Variants in SPON2 observed in about 807,000 individuals in gnomAD.
SPON2 encodes spondin 2.
SPON2 carries 32 observed loss-of-function variants against 29.9 expected under a neutral mutation model. The ratio of observed to expected loss-of-function variants is 1.07; its 90% CI spans 0.81 to 1.44. The LOEUF (loss-of-function observed/expected upper bound fraction) is 1.44. SPON2 is among the 40% of genes most tolerant of loss of function. The pLI is 0.00. For missense variants in SPON2, 541 were observed against 455.5 expected (o/e 1.19, Z -1.71); for synonymous variants, 248 against 209.1 (o/e 1.19, Z -1.61).
chr4:1,170,446 G>A lies in SPON2; in HGVS notation c.767C>T (p.Pro256Leu). The A allele has an allele frequency of 6.2e-7, 1 of 1,613,970 alleles. No homozygotes were observed. Among genetic ancestry groups the A allele is most frequent in the Non-Finnish European group, 8.5e-7 (1 of 1,179,952 alleles). ...CTCATTGTCCCTGCTGGGCAGGACT[G>A]GGGCGGGAGGGATGAAGGCCCTGGG... ...QSPRAFIPPAPVLPSRDNEIV... is the reference protein window; with the variant it reads ...QSPRAFIPPALVLPSRDNEIV... The change falls in exon 5 of 6, where the codon CCA (proline) becomes CTA (leucine). Residue 256 changes from proline to leucine, a missense_variant. Coordinates refer to ENST00000290902, the MANE Select transcript of SPON2 (RefSeq NM_012445.4).
At chr4:1,182,435 G>T (rs1394441036) in intron 1 of SPON2, among the ~76,000 whole-genome samples, 1 of 152,084 alleles carries the variant, frequency 6.6e-6, no homozygotes, top group African/African-American at 2.4e-5. Context: ...AAGGTGAAAA[G>T]TATAATCATG....
At chr4:1,189,361 G>A (rs1442796219) in intron 1 of SPON2, among the ~76,000 whole-genome samples, 6 of 152,016 alleles carry the variant, frequency 3.9e-5, no homozygotes, top group Non-Finnish European at 5.9e-5. Flanking sequence ...TAATTTAAAA[G>A]ATCAATTAAA....
chr4:1,205,904 G>T (rs1728328780), intron 1 of SPON2, among the ~76,000 whole-genome samples: 2 of 152,310 alleles, frequency 1.3e-5, no homozygotes. Context: ...CGGGCCTGGG[G>T]GTTGGGGCCG....
Position 1,167,612 on chromosome 4 carries a change from A to AT in SPON2, c.855_856insA (p.Trp286MetfsTer39). ...CCACAGTGGCCTCCGCACAGTCCCC[A>AT]GGACGACCACAGGGAGACCTCGCAG... is the stretch of plus-strand genomic sequence containing the variant. On this transcript the variant is annotated frameshift_variant, in exon 6 of 6. Coordinates refer to ENST00000290902, the MANE Select transcript of SPON2 (RefSeq NM_012445.4). LOFTEE classifies it high-confidence loss of function. 6.2e-7 allele frequency: 1 copy of AT among 1,613,220 alleles called. No individual in the cohort carries two copies. The highest frequency in any genetic ancestry group is 8.5e-7 in the Non-Finnish European group (1 of 1,179,810).
chr4:1,167,405 G>A lies in SPON2; in HGVS notation c.*67C>T. 9 of 1,490,822 alleles carry A rather than the reference G, an allele frequency of 6.0e-6. No homozygotes were observed. The highest frequency in any genetic ancestry group is 8.2e-6 in the Non-Finnish European group (9 of 1,101,398). 92.3% of individuals were successfully genotyped at this position (1,490,822 alleles called of 1,614,324 possible). A position where few individuals can be genotyped will look rare whatever the true frequency, so the allele number is the denominator to read the frequency against. On this transcript the variant is annotated 3_prime_UTR_variant, in exon 6 of 6. Transcript: ENST00000290902. Reference sequence around the variant, plus strand: ...CTGTGCCCTCGGCCGCCTGCAGCATGAGCCTGCACAGGAGCCCCCGACACC... The same window carrying A: ...CTGTGCCCTCGGCCGCCTGCAGCATAAGCCTGCACAGGAGCCCCCGACACC...
intron 2 of SPON2, among the ~76,000 whole-genome samples, chr4:1,178,989 G>A (rs770312883): frequency 6.6e-5 from 10 of 152,162 alleles, no homozygotes; most frequent in Non-Finnish European, 1.0e-4. Flanking sequence ...ACTTCCGATT[G>A]ATTGGCAGAG....
At chr4:1,199,079 G>T (rs186326076), upstream of SPON2, 7 of 152,258 alleles carry the variant, frequency 4.6e-5, no homozygotes, top group African/African-American at 1.7e-4. The surrounding 1 kb of genome is among the most constrained non-coding windows in gnomAD (Gnocchi z 4.5). Flanking sequence ...TGTAAACCTA[G>T]TTATGCCTCT....
rs1259087835 is a variant in SPON2, at chr4:1,170,513, G to A, written c.700C>T (p.Pro234Ser). The change falls in exon 5 of 6, where the codon CCT (proline) becomes TCT (serine). Residue 234 changes from proline to serine, a missense_variant. Pro to Ser is a moderately conservative substitution (Grantham distance 74). Transcript: ENST00000290902. ...ACCAGTGTCACCCTGGCGATGGGAG[G>A]CAGGGCCTTCAGCCGCGGGTAGTAG... ...SFYYPRLKAL[P>S]PIARVTLVRL... The A allele has an allele frequency of 1.2e-6, 2 of 1,613,914 alleles. No homozygotes were observed. The highest frequency in any genetic ancestry group is 1.7e-6 in the Non-Finnish European group (2 of 1,179,954).
chr4:1,186,060 C>T (rs13109140), intron 1 of SPON2, among the ~76,000 whole-genome samples: 26,199 of 146,242 alleles, frequency 0.18, 2,527 homozygotes, highest in East Asian at 0.24. Context: ...CTGGCTAACA[C>T]GGTGAAACCC....
Position 1,202,515 on chromosome 4 carries a change from C to G in SPON2, c.-234+5365G>C, listed in dbSNP as rs986025374. Among the ~76,000 whole-genome samples, 1 of 152,224 alleles carries G rather than the reference C, an allele frequency of 6.6e-6. No individual in the cohort carries two copies. The highest frequency in any genetic ancestry group is 1.5e-5 in the Non-Finnish European group (1 of 68,022). On this transcript the variant is annotated intron_variant, in intron 1 of 3. Transcript: ENST00000509233. The surrounding 1 kb of genome is among the most constrained non-coding windows in gnomAD (Gnocchi z 5.4). Reference sequence around the variant, plus strand: ...TACATGAACAGGGGATGATCTTGGACTCCCTGCCCACCTTCCAGACACATG... The same window carrying G: ...TACATGAACAGGGGATGATCTTGGAGTCCCTGCCCACCTTCCAGACACATG...
intron 1 of SPON2, among the ~76,000 whole-genome samples, chr4:1,190,571 C>T (rs188645090): frequency 8.5e-5 from 13 of 152,168 alleles, no homozygotes; most frequent in East Asian, 5.8e-4. Context: ...GCAACATTTT[C>T]GAAAAGATTA....
chr4:1,193,095 G>C (rs538617780), intron 1 of SPON2, among the ~76,000 whole-genome samples: 1 of 152,204 alleles, frequency 6.6e-6, no homozygotes, highest in African/African-American at 2.4e-5. Context: ...GCCCGACACA[G>C]CTGCACCATG....
chr4:1,178,206 G>A (rs1343988301), upstream of SPON2, among the ~76,000 whole-genome samples: 2 of 148,392 alleles, frequency 1.3e-5, no homozygotes, highest in Non-Finnish European at 3.0e-5. Flanking sequence ...CCTCCCTCCG[G>A]CCAGGCACCA....
chr4:1,194,920 G>GCTCCAACCTCGCAGCCGGCGA (rs1560210536), intron 1 of SPON2: 15 of 130,894 alleles, frequency 1.1e-4, no homozygotes, highest in Admixed American at 3.0e-4. Context: ...GCAGCCGGCG[G>GCTCCAACCTCGCAGCCGGCGA]CTCCAACCCC....
At chr4:1,181,313 C>T (rs994971650) in intron 1 of SPON2, among the ~76,000 whole-genome samples, 1 of 152,166 alleles carries the variant, frequency 6.6e-6, no homozygotes, top group Admixed American at 6.6e-5. Context: ...TTAAGACATT[C>T]TCAGGTAAAT....
At chr4:1,186,061 G>A (rs914110619) in intron 1 of SPON2, among the ~76,000 whole-genome samples, 144 of 146,958 alleles carry the variant, frequency 9.8e-4, no homozygotes, top group Middle Eastern at 3.4e-3. Context: ...TGGCTAACAC[G>A]GTGAAACCCC....
chr4:1,194,213 T>C (rs572471668), intron 1 of SPON2, among the ~76,000 whole-genome samples: 1 of 152,190 alleles, frequency 6.6e-6, no homozygotes, highest in Non-Finnish European at 1.5e-5. Context: ...GCAAATGGGC[T>C]CCTCCAAGGG....
intron 1 of SPON2, among the ~76,000 whole-genome samples, chr4:1,203,450 G>C (rs535423982): frequency 6.6e-6 from 1 of 152,228 alleles, no homozygotes; most frequent in East Asian, 1.9e-4. Flanking sequence ...TCCTTTTTAC[G>C]GGTGAAGAAT....
intron 1 of SPON2, among the ~76,000 whole-genome samples, chr4:1,186,050 C>T (rs1024128599): frequency 3.3e-5 from 5 of 149,362 alleles, no homozygotes; most frequent in African/African-American, 4.9e-5. Context: ...CGAGACCATC[C>T]TGGCTAACAC....
Sources: gnomAD v4.1 joint callset for allele counts (sites outside exome capture counted in the v4.1 genomes callset) on GRCh38, gnomAD v4.1.1 for gene constraint, Gnocchi (gnomAD v3.1) non-coding constraint, MANE v1.5 for transcripts, NCBI Gene and HGNC (gene_info 2026-07-23, HGNC 2026-07-21) for gene names.